The following TEX14 variants were observed in gnomAD, a reference collection of about 807,000 sequenced individuals.
The protein encoded by TEX14 is testis expressed 14, intercellular bridge forming factor.
Under a neutral mutation model 178.6 loss-of-function variants are expected in TEX14, and 168 were observed. The observed-to-expected ratio is 0.94, with a 90% CI of 0.83 to 1.07. The LOEUF is 1.07. Among genes scored for constraint, TEX14 ranks in the 50% least tolerant of loss-of-function variants. The pLI is 0.00. For missense variants in TEX14, 1,730 were observed against 1,753.6 expected (o/e 0.99, Z 0.24); for synonymous variants, 626 against 634.1 (o/e 0.99, Z 0.19).
chr17:58,644,382 G>A (rs776811154), intron 2 of TEX14, among the ~76,000 whole-genome samples: 14 of 152,178 alleles, frequency 9.2e-5, no homozygotes, highest in Non-Finnish European at 1.5e-4. Flanking sequence ...ACCCAGGCTG[G>A]AGTGCAATGG....
At chr17:58,638,561 G>A (rs1213000457) in intron 2 of TEX14, among the ~76,000 whole-genome samples, 1 of 151,842 alleles carries the variant, frequency 6.6e-6, no homozygotes. Context: ...TTTCTGAGAC[G>A]GAGTTTCACT....
chr17:58,587,569 C>T lies in TEX14; in HGVS notation c.2788+12G>A. 1.3e-6 allele frequency: 2 copies of T among 1,489,798 alleles called. No homozygotes were observed. 92.3% of individuals were successfully genotyped at this position (1,489,798 alleles called of 1,614,324 possible). ...TCATTTTGTCTAATAAAACCCATGA[C>T]TTTATACTCACTTTTCCATTTTAAG... On this transcript the variant is annotated intron_variant, in intron 17 of 31. Transcript: ENST00000349033.
chr17:58,636,251 C>A (rs1468635089), intron 2 of TEX14, among the ~76,000 whole-genome samples: 1 of 152,142 alleles, frequency 6.6e-6, no homozygotes, highest in Non-Finnish European at 1.5e-5. Flanking sequence ...CATGTTGTGG[C>A]TGCTATAAAG....
At chr17:58,589,963 A>C (rs892197367) in intron 15 of TEX14, among the ~76,000 whole-genome samples, 3 of 151,896 alleles carry the variant, frequency 2.0e-5, no homozygotes, top group Middle Eastern at 3.2e-3. Flanking sequence ...CATTGGCCCC[A>C]TAAAGTGAAC....
intron 14 of TEX14, among the ~76,000 whole-genome samples, chr17:58,598,559 T>C (rs192074190): frequency 1.3e-5 from 2 of 152,326 alleles, no homozygotes; most frequent in East Asian, 3.9e-4. Context: ...ATGGGCTGTG[T>C]GTTGGGTCTG....
Position 58,565,836 on chromosome 17 carries a change from C to A in TEX14, c.3887-12G>T. 1.3e-6 allele frequency: 2 copies of A among 1,596,376 alleles called. No individual in the cohort carries two copies. The highest frequency in any genetic ancestry group is 1.7e-6 in the Non-Finnish European group (2 of 1,170,938). ...CTGTTTCAAGAGCTCTGTCACAACACAAAAGCCAAAGGAAACTTATTTCCT... is the reference window on the plus strand; with the variant it reads ...CTGTTTCAAGAGCTCTGTCACAACAAAAAAGCCAAAGGAAACTTATTTCCT... On this transcript the variant is annotated splice_polypyrimidine_tract_variant and intron_variant, in intron 26 of 31. Transcript: ENST00000349033.
chr17:58,557,051 T>A lies in TEX14; in HGVS notation c.4320-4A>T. ...ACTCTGATCCAGCACGATTATCCTA[T>A]GCACATGTTTTTTAAAGAACAAAAA... On this transcript the variant is annotated splice_region_variant and splice_polypyrimidine_tract_variant and intron_variant, in intron 31 of 31. Coordinates refer to ENST00000349033, the MANE Select transcript of TEX14 (RefSeq NM_031272.5). 1 of 1,613,664 alleles carries A rather than the reference T, an allele frequency of 6.2e-7. No individual in the cohort carries two copies. The highest frequency in any genetic ancestry group is 1.1e-5 in the South Asian group (1 of 91,076).
intron 15 of TEX14, among the ~76,000 whole-genome samples, chr17:58,588,948 C>T (rs1321785829): frequency 6.6e-6 from 1 of 152,144 alleles, no homozygotes; most frequent in East Asian, 1.9e-4. Context: ...TGAACATGTA[C>T]ATTTTATCAT....
chr17:58,587,572 TA>T lies in TEX14; in HGVS notation c.2788+8del. ...TTTTGTCTAATAAAACCCATGACTT[TA>T]TACTCACTTTTCCATTTTAAGTGTA... On this transcript the variant is annotated splice_region_variant and intron_variant, in intron 17 of 31. Coordinates refer to ENST00000349033, the MANE Select transcript of TEX14 (RefSeq NM_031272.5). 6 of 1,505,956 alleles carry T rather than the reference TA, an allele frequency of 4.0e-6. No homozygotes were observed. The highest frequency in any genetic ancestry group is 5.5e-6 in the Non-Finnish European group (6 of 1,090,118). The allele number at this position is 1,505,956 out of a possible 1,614,324, so 93.3% of individuals were successfully genotyped here. A position where few individuals can be genotyped will look rare whatever the true frequency, so the allele number is the denominator to read the frequency against.
At chr17:58,651,453 A>C (rs1165508321) in intron 2 of TEX14, among the ~76,000 whole-genome samples, 2 of 152,164 alleles carry the variant, frequency 1.3e-5, no homozygotes, top group African/African-American at 4.8e-5. Context: ...TTCAGCTAGA[A>C]AACCCCAGAA....
intron 18 of TEX14, 119 bp from the exon 19 acceptor site, chr17:58,584,719 C>A: frequency 3.8e-6 from 3 of 797,100 alleles, no homozygotes. Context: ...GTGGCCATGT[C>A]CCATACGTTA....
intron 1 of TEX14, among the ~76,000 whole-genome samples, chr17:58,655,433 C>G (rs2046936622): frequency 6.6e-6 from 1 of 152,014 alleles, no homozygotes; most frequent in Non-Finnish European, 1.5e-5. Context: ...GCACCCGCCT[C>G]TGCCTCCCAA....
chr17:58,616,897 C>T (rs1343129634), intron 6 of TEX14, among the ~76,000 whole-genome samples: 2 of 152,174 alleles, frequency 1.3e-5, no homozygotes, highest in African/African-American at 4.8e-5. Flanking sequence ...GGATTGTGTG[C>T]GGCCAAATCT....
chr17:58,684,902 C>G (rs1038950531), intron 1 of TEX14, among the ~76,000 whole-genome samples: 7 of 151,944 alleles, frequency 4.6e-5, no homozygotes, highest in Admixed American at 3.3e-4. Flanking sequence ...CTTGAACCCT[C>G]AAGACAGAGG....
chr17:58,671,448 C>T (rs961328963), intron 1 of TEX14, among the ~76,000 whole-genome samples: 3 of 152,128 alleles, frequency 2.0e-5, no homozygotes, highest in African/African-American at 7.2e-5. Flanking sequence ...ATATCTCTAA[C>T]ATCTTTCTCT....
chr17:58,613,267 A>T (rs2045790195), intron 9 of TEX14, among the ~76,000 whole-genome samples, 154 bp downstream of exon 9: 1 of 152,182 alleles, frequency 6.6e-6, no homozygotes, highest in Non-Finnish European at 1.5e-5. Flanking sequence ...TATCAGCCTT[A>T]AATAGCATGT....
chr17:58,593,701 G>C (rs1465768294), intron 14 of TEX14, 40 bp from the exon 15 acceptor site: 1 of 1,490,084 alleles, frequency 6.7e-7, no homozygotes, highest in Non-Finnish European at 9.4e-7. Context: ...TTTGATGAGA[G>C]AATTCCCACT....
At chr17:58,667,026 C>T (rs113473833) in intron 1 of TEX14, among the ~76,000 whole-genome samples, 7,394 of 152,310 alleles carry the variant, frequency 0.049, 378 homozygotes, top group African/African-American at 0.13. Flanking sequence ...CAAGTGACGT[C>T]TGTCAGGCCA....
At chr17:58,646,871 G>C (rs1009603668) in intron 2 of TEX14, among the ~76,000 whole-genome samples, 2 of 151,380 alleles carry the variant, frequency 1.3e-5, no homozygotes, top group East Asian at 3.9e-4. Flanking sequence ...AACTGAGTAG[G>C]ATACAATCAG....
Sources: allele counts gnomAD v4.1 joint callset (sites outside exome capture counted in the v4.1 genomes callset), GRCh38; gene constraint gnomAD v4.1.1; transcripts MANE v1.5; gene names NCBI Gene and HGNC (gene_info 2026-07-23, HGNC 2026-07-21).